B4GALNT3: variants seen among roughly 807,000 people sequenced by gnomAD.
The protein encoded by B4GALNT3 is beta-1,4-N-acetylgalactosaminyltransferase 3.
In B4GALNT3, 86 loss-of-function variants were observed where a neutral mutation model predicts 120.2. That is an observed-to-expected ratio of 0.72 (90% CI 0.60 to 0.86). The LOEUF (loss-of-function observed/expected upper bound fraction) is 0.86. Among genes scored for constraint, B4GALNT3 ranks in the 40% least tolerant of loss-of-function variants. The probability of loss-of-function intolerance (pLI) is 0.00; values close to 1 mark genes in which losing one functional copy is unlikely to be tolerated. For missense variants in B4GALNT3, 1,167 were observed against 1,298.9 expected (o/e 0.90, Z 1.56); for synonymous variants, 518 against 510.4 (o/e 1.01, Z -0.20).
chr12:492,570 C>A (rs1034668319), intron 1 of B4GALNT3, among the ~76,000 whole-genome samples: 1 of 152,214 alleles, frequency 6.6e-6, no homozygotes, highest in Non-Finnish European at 1.5e-5. Context: ...AATGCAATCC[C>A]AATCAAAACC....
chr12:512,988 T>TGC (rs1946610708), intron 1 of B4GALNT3, among the ~76,000 whole-genome samples: 1 of 102,626 alleles, frequency 9.7e-6, no homozygotes, highest in Non-Finnish European at 2.1e-5. Context: ...CCACCTTCGA[T>TGC]CTTCCTTCCA....
chr12:549,447 G>A (rs1439855788), intron 9 of B4GALNT3, among the ~76,000 whole-genome samples: 1 of 152,250 alleles, frequency 6.6e-6, no homozygotes, highest in Non-Finnish European at 1.5e-5. Context: ...TAAGTGCTCT[G>A]TAAGCGTTCA....
At chr12:479,589 C>G (rs1334305577) in intron 1 of B4GALNT3, among the ~76,000 whole-genome samples, 1 of 152,132 alleles carries the variant, frequency 6.6e-6, no homozygotes. Context: ...GGAAGTTGAG[C>G]AACTGTGTCA....
intron 1 of B4GALNT3, among the ~76,000 whole-genome samples, chr12:501,360 A>G (rs923053491): frequency 6.6e-6 from 1 of 152,152 alleles, no homozygotes; most frequent in Non-Finnish European, 1.5e-5. Flanking sequence ...TTATTATTCT[A>G]CACTCTAAAC....
chr12:560,355 G>A (rs969797685), intron 19 of B4GALNT3, among the ~76,000 whole-genome samples: 2 of 152,118 alleles, frequency 1.3e-5, no homozygotes, highest in African/African-American at 2.4e-5. Flanking sequence ...ATACATGGCC[G>A]GCCATCCACA....
intron 3 of B4GALNT3, among the ~76,000 whole-genome samples, chr12:538,750 G>A (rs2120672755): frequency 6.6e-6 from 1 of 152,218 alleles, no homozygotes; most frequent in Non-Finnish European, 1.5e-5. Context: ...AATAAGGAAG[G>A]AAGGTCCTGG....
At chr12:517,935 CT>C (rs766260641) in intron 1 of B4GALNT3, among the ~76,000 whole-genome samples, 8 of 152,208 alleles carry the variant, frequency 5.3e-5, no homozygotes, top group Non-Finnish European at 1.0e-4. Flanking sequence ...AGAGTGAGGT[CT>C]TTGAAACCAA....
chr12:495,552 G>A (rs1280867013), intron 1 of B4GALNT3, among the ~76,000 whole-genome samples: 2 of 152,154 alleles, frequency 1.3e-5, no homozygotes, highest in East Asian at 1.9e-4. Context: ...GTGTTTCTAG[G>A]CCTATGCTTG....
intron 1 of B4GALNT3, among the ~76,000 whole-genome samples, chr12:516,309 G>A (rs1946655655): frequency 6.6e-6 from 1 of 152,192 alleles, no homozygotes; most frequent in Non-Finnish European, 1.5e-5. Flanking sequence ...GCTGGAGGTA[G>A]CGTGTTATTA....
intron 11 of B4GALNT3, 38 bp from the exon 12 acceptor site, chr12:552,025 C>G (rs377153088): frequency 3.9e-4 from 569 of 1,460,270 alleles, no homozygotes; most frequent in Non-Finnish European, 5.3e-4. Flanking sequence ...ACCAAGATCT[C>G]ACTCTCTTAC....
At chr12:516,697 T>G (rs1946660144) in intron 1 of B4GALNT3, among the ~76,000 whole-genome samples, 1 of 152,156 alleles carries the variant, frequency 6.6e-6, no homozygotes, top group Admixed American at 6.5e-5. Context: ...TGGATTGTAT[T>G]TGAGTGATTT....
In B4GALNT3 at chr12:556,564, G is replaced by A. The variant is rs142955460; in HGVS notation, c.2078G>A (p.Arg693His). 298 of 1,613,374 alleles carry A rather than the reference G, an allele frequency of 1.8e-4. No homozygotes were observed. Among genetic ancestry groups the A allele is most frequent in the African/African-American group, 8.4e-4 (63 of 75,036 alleles). The change falls in exon 15 of 20, where the codon CGC becomes CAC. Residue 693 changes from arginine to histidine, a missense_variant. Coordinates refer to ENST00000266383, the MANE Select transcript of B4GALNT3 (RefSeq NM_173593.4). ...QRSRGRYQLQ[R>H]IVNVEKRQDQ... is the part of the protein sequence containing the mutation. ...TGCCATAGGAGGTACCAGCTACAGC[G>A]CATTGTGAACGTGGAAAAGCGTCAG...
chr12:549,878 G>C lies in B4GALNT3; in HGVS notation c.963G>C (p.Met321Ile), dbSNP rs369735066. The C allele has an allele frequency of 2.5e-6, 4 of 1,613,386 alleles. No individual in the cohort carries two copies. The African/African-American group carries it at 5.3e-5, about 22-fold the overall frequency. Residue 321 changes from methionine to isoleucine, a missense_variant, in exon 10 of 20, where the codon ATG becomes ATC. By Grantham distance (10) the Met-to-Ile change is conservative (BLOSUM62 1). Around this residue, in one of 3 missense-constraint regions of B4GALNT3, gnomAD observed 983 missense variants for 1,102.5 expected, o/e 0.89. Coordinates refer to ENST00000266383, the MANE Select transcript of B4GALNT3 (RefSeq NM_173593.4). ...GGGATGAGCAGCCGCCCGCTGACAT[G>C]CTTCGGCCTGACCCCCGGGACACCC... is the stretch of plus-strand genomic sequence containing the variant. ...LPRDEQPPADMLRPDPRDTLY... is the reference protein window; with the variant it reads ...LPRDEQPPADILRPDPRDTLY...
At chr12:518,561 C>T (rs1036860679) in intron 1 of B4GALNT3, among the ~76,000 whole-genome samples, 2 of 152,018 alleles carry the variant, frequency 1.3e-5, no homozygotes, top group African/African-American at 4.8e-5. Flanking sequence ...TGCCACCATG[C>T]CCGGCTAATT....
chr12:552,436 G>T (rs761859975), intron 12 of B4GALNT3, 31 bp from the exon 13 acceptor site: 2 of 1,602,772 alleles, frequency 1.2e-6, no homozygotes, highest in Non-Finnish European at 1.7e-6. Context: ...CATGCACCGG[G>T]TGCCAATGCA....
chr12:556,917 G>A (rs745389493), intron 15 of B4GALNT3, 51 bp downstream of exon 15: 2 of 1,545,438 alleles, frequency 1.3e-6, no homozygotes, highest in South Asian at 2.4e-5. Context: ...TCCTCACACT[G>A]TCAGGAGCAC....
rs763178905 is a variant in B4GALNT3 at position 536,202 on chromosome 12, T to A, written c.274-16T>A. ...CCTAATATTCCTACCAACTTCGTTC[T>A]TCATTCTTCCCCTAGGACCACGACA... is the stretch of plus-strand genomic sequence containing the variant. On this transcript the variant is annotated splice_polypyrimidine_tract_variant and intron_variant, in intron 2 of 19. Transcript: ENST00000266383. The A allele has an allele frequency of 2.7e-5, 44 of 1,610,436 alleles. No individual in the cohort carries two copies. The highest frequency in any genetic ancestry group is 3.7e-5 in the Non-Finnish European group (44 of 1,176,794).
chr12:507,850 GC>G (rs1190637719), intron 1 of B4GALNT3, among the ~76,000 whole-genome samples: 1 of 141,366 alleles, frequency 7.1e-6, no homozygotes, highest in Non-Finnish European at 1.6e-5. Context: ...GTGGACACCT[GC>G]CCCTGGAAAT....
chr12:517,940 A>G (rs1162986002), intron 1 of B4GALNT3, among the ~76,000 whole-genome samples: 3 of 152,212 alleles, frequency 2.0e-5, no homozygotes, highest in African/African-American at 7.2e-5. Context: ...GAGGTCTTTG[A>G]AACCAAACAG....
Sources: allele counts gnomAD v4.1 joint callset (sites outside exome capture counted in the v4.1 genomes callset), GRCh38; gene constraint gnomAD v4.1.1; regional missense constraint gnomAD v4.1.1; transcripts MANE v1.5; gene names NCBI Gene and HGNC (gene_info 2026-07-23, HGNC 2026-07-21).